Variants in ITPR2 observed in about 807,000 individuals in gnomAD.
ITPR2 encodes inositol 1,4,5-trisphosphate-gated calcium channel ITPR2.
A neutral mutation model predicts 317.1 loss-of-function variants in ITPR2; 207 were observed. The observed-to-expected ratio is 0.65, with a 90% CI of 0.58 to 0.73. The LOEUF (loss-of-function observed/expected upper bound fraction) is 0.73, where lower values mean the gene tolerates loss of function less well. ITPR2 is among the 30% of genes least tolerant of loss of function. The probability of loss-of-function intolerance (pLI) is 0.00; values close to 1 mark genes in which losing one functional copy is unlikely to be tolerated. For missense variants in ITPR2, 2,613 were observed against 3,284.0 expected (o/e 0.80, Z 4.99); for synonymous variants, 1,156 against 1,149.1 (o/e 1.01, Z -0.12).
chr12:26,812,031 C>T (rs1284781251), intron 1 of ITPR2, among the ~76,000 whole-genome samples: 1 of 151,026 alleles, frequency 6.6e-6, no homozygotes, highest in Admixed American at 6.6e-5. Context: ...GGCATGGTGG[C>T]ACACACCTGT....
At chr12:26,547,982 G>A (rs1944429793) in intron 37 of ITPR2, among the ~76,000 whole-genome samples, 1 of 152,206 alleles carries the variant, frequency 6.6e-6, no homozygotes, top group Non-Finnish European at 1.5e-5. Context: ...AGAGGAAGGA[G>A]TTCCAATTTA....
At chr12:26,820,369 T>C (rs943583099) in intron 1 of ITPR2, among the ~76,000 whole-genome samples, 2 of 152,182 alleles carry the variant, frequency 1.3e-5, no homozygotes, top group African/African-American at 4.8e-5. Context: ...GCAACAAATA[T>C]TTATTAATAT....
At chr12:26,785,421 A>T (rs1288372016) in intron 2 of ITPR2, among the ~76,000 whole-genome samples, 2 of 63,946 alleles carry the variant, frequency 3.1e-5, no homozygotes, top group Non-Finnish European at 7.8e-5. Context: ...CCCGTCCAGG[A>T]GGGAGGTGGG....
chr12:26,519,596 G>A (rs546660708), intron 37 of ITPR2, among the ~76,000 whole-genome samples: 1 of 152,238 alleles, frequency 6.6e-6, no homozygotes, highest in South Asian at 2.1e-4. Context: ...TCTCAATAAG[G>A]CCGGATAGAG....
chr12:26,621,303 CAG>C lies in ITPR2; in HGVS notation c.3289-9_3289-8del. The C allele has an allele frequency of 2.5e-6, 4 of 1,595,648 alleles. No individual in the cohort carries two copies. The highest frequency in any genetic ancestry group is 3.4e-6 in the Non-Finnish European group (4 of 1,169,730). ...TAGACACCAGTAATTGCACCTAAAA[CAG>C]AAGAATTTCAATCTTAGTTGAAGTT... is the stretch of plus-strand genomic sequence containing the variant. On this transcript the variant is annotated splice_polypyrimidine_tract_variant and splice_region_variant and intron_variant, in intron 25 of 56. Transcript: ENST00000381340.
intron 2 of ITPR2, among the ~76,000 whole-genome samples, chr12:26,768,774 T>G (rs1949787918): frequency 6.6e-6 from 1 of 152,072 alleles, no homozygotes; most frequent in Non-Finnish European, 1.5e-5. Flanking sequence ...TAACTGCACT[T>G]GTGTTTCATG....
At chr12:26,579,327 T>C (rs1360184492) in intron 33 of ITPR2, among the ~76,000 whole-genome samples, 1 of 152,194 alleles carries the variant, frequency 6.6e-6, no homozygotes, top group Admixed American at 6.5e-5. Flanking sequence ...ACAATCACTG[T>C]AGAATATTTG....
chr12:26,601,326 C>T (rs1945994441), intron 28 of ITPR2, among the ~76,000 whole-genome samples: 1 of 152,140 alleles, frequency 6.6e-6, no homozygotes, highest in South Asian at 2.1e-4. Flanking sequence ...GGGGGCAACA[C>T]CCCAAAGCAA....
At chr12:26,424,260 C>G (rs1421327233) in intron 49 of ITPR2, among the ~76,000 whole-genome samples, 3 of 152,104 alleles carry the variant, frequency 2.0e-5, no homozygotes, top group African/African-American at 7.2e-5. Context: ...TAGTATCTTC[C>G]TTTCACTAAT....
chr12:26,544,623 CACAT>C (rs1302394022), intron 37 of ITPR2, among the ~76,000 whole-genome samples: 9 of 151,318 alleles, frequency 5.9e-5, no homozygotes, highest in African/African-American at 2.2e-4. Context: ...CACACACACA[CACAT>C]ACACCACTTC....
chr12:26,337,722 G>A lies in ITPR2; in HGVS notation c.*1675C>T, dbSNP rs1289678576. The A allele has an allele frequency of 1.3e-5, 2 of 152,104 alleles. No homozygotes were observed. The highest frequency in any genetic ancestry group is 2.9e-5 in the Non-Finnish European group (2 of 68,020). The allele number at this position is 152,104 out of a possible 1,614,324, so 9.4% of individuals were successfully genotyped here. The stretch of plus-strand genomic sequence containing the variant: ...TGAATGTCAGGGTCTTTCAGCTCCT[G>A]GTCAGAAAAAATACTGTCATGTCAG... On this transcript the variant is annotated 3_prime_UTR_variant, in exon 57 of 57. Transcript: ENST00000381340.
chr12:26,773,979 G>T (rs1823374), intron 2 of ITPR2, among the ~76,000 whole-genome samples: 11,155 of 122,786 alleles, frequency 0.091, 649 homozygotes, highest in East Asian at 0.27. Context: ...TTCAACTGGA[G>T]AATTTTTTTT....
At chr12:26,432,684 T>C (rs558157749) in intron 48 of ITPR2, among the ~76,000 whole-genome samples, 4 of 152,290 alleles carry the variant, frequency 2.6e-5, no homozygotes, top group African/African-American at 9.6e-5. Context: ...ATACAATTAC[T>C]AAAAAAGAGC....
In ITPR2 at chr12:26,439,285, A is replaced by T. The variant is rs773720643; in HGVS notation, c.6485T>A (p.Val2162Asp). ...TTCACATATATTGGGGACAGGAAAA[A>T]CTATTTGTTCCATGGTCCTATCATG... Reference protein sequence around the residue: ...VRHDRTMEQIVFPVPNICEYL... With the variant: ...VRHDRTMEQIDFPVPNICEYL... The change falls in exon 47 of 57, where the codon GTT (valine) becomes GAT (aspartate). Residue 2162 changes from valine to aspartate, a missense_variant. Val to Asp is a radical substitution (Grantham distance 152). This residue lies in a region of ITPR2 where 926 missense variants were observed against 1,072.8 expected (regional missense o/e 0.86). Transcript: ENST00000381340. 1 of 1,610,242 alleles carries T rather than the reference A, an allele frequency of 6.2e-7. No homozygotes were observed. The highest frequency in any genetic ancestry group is 1.1e-5 in the South Asian group (1 of 90,104).
intron 45 of ITPR2, among the ~76,000 whole-genome samples, chr12:26,447,987 T>G: frequency 9.1e-6 from 1 of 110,062 alleles, no homozygotes; most frequent in African/African-American, 3.6e-5. Flanking sequence ...TGTACCCTTT[T>G]ACATGACTTT....
intron 9 of ITPR2, among the ~76,000 whole-genome samples, chr12:26,702,414 G>GTGGTGTTTTTTTTTTTTTTTTTTTTTTTT (rs1688487062): frequency 9.2e-6 from 1 of 108,152 alleles, no homozygotes; most frequent in African/African-American, 3.5e-5. Context: ...GGGGTGGGGG[G>GTGGTGTTTTTTTTTTTTTTTTTTTTTTTT]TTGGTGTTTT....
At chr12:26,586,917 C>A (rs562093999) in intron 32 of ITPR2, among the ~76,000 whole-genome samples, 1 of 152,134 alleles carries the variant, frequency 6.6e-6, no homozygotes. Context: ...TAGGAGTCTA[C>A]AAAGTTGAAA....
At chr12:26,464,882 A>G (rs1187903040) in intron 45 of ITPR2, among the ~76,000 whole-genome samples, 2 of 152,200 alleles carry the variant, frequency 1.3e-5, no homozygotes, top group Non-Finnish European at 2.9e-5. Flanking sequence ...TGTCTGGGGT[A>G]TCTGAGTTGT....
At chr12:26,768,563 A>AAT (rs1326638816) in intron 2 of ITPR2, among the ~76,000 whole-genome samples, 21 of 81,152 alleles carry the variant, frequency 2.6e-4, no homozygotes, top group African/African-American at 6.5e-4. Context: ...GATGAATACA[A>AAT]ATATATATAA....
Sources: gnomAD v4.1 joint callset for allele counts (sites outside exome capture counted in the v4.1 genomes callset) on GRCh38, gnomAD v4.1.1 for gene constraint, gnomAD v4.1.1 regional missense constraint, MANE v1.5 for transcripts, NCBI Gene and HGNC (gene_info 2026-07-23, HGNC 2026-07-21) for gene names.